SSX2IP: variants seen among roughly 807,000 people sequenced by gnomAD.
The protein encoded by SSX2IP is afadin- and alpha-actinin-binding protein.
Under a neutral mutation model 84.9 loss-of-function variants are expected in SSX2IP, and 55 were observed. The ratio of observed to expected loss-of-function variants is 0.65; its 90% confidence interval spans 0.52 to 0.81. The LOEUF is 0.81. Among genes scored for constraint, SSX2IP ranks in the 30% least tolerant of loss-of-function variants. The pLI is 0.00. For missense variants in SSX2IP, 664 were observed against 705.2 expected, an observed-to-expected ratio of 0.94 and a Z score of 0.66; for synonymous variants, 239 against 234.7, an observed-to-expected ratio of 1.02 and a Z score of -0.17.
At chr1:84,664,351 T>C (rs763523496) in intron 6 of SSX2IP, 66 bp downstream of exon 6, 29 of 1,377,670 alleles carry the variant, frequency 2.1e-5, no homozygotes, top group Non-Finnish European at 2.7e-5. Flanking sequence ...TCAATCCTTT[T>C]ACAATTATTT....
intron 1 of SSX2IP, among the ~76,000 whole-genome samples, chr1:84,686,142 C>A (rs1655751576): frequency 6.6e-6 from 1 of 152,162 alleles, no homozygotes; most frequent in Non-Finnish European, 1.5e-5. Context: ...CCAAGAACTA[C>A]ACATGAAGTA....
upstream of SSX2IP, chr1:84,690,484 C>G (rs1189136871): frequency 6.6e-6 from 1 of 152,092 alleles, no homozygotes; most frequent in Non-Finnish European, 1.5e-5. Context: ...CCCTCCTCCG[C>G]TGCGGGCTCC....
At chr1:84,662,947 T>C (rs1007676790) in intron 6 of SSX2IP, among the ~76,000 whole-genome samples, 1 of 152,172 alleles carries the variant, frequency 6.6e-6, no homozygotes, top group Non-Finnish European at 1.5e-5. Flanking sequence ...TAAATAAAGC[T>C]TTATGGGAAC....
chr1:84,682,079 A>T (rs1655155825), intron 1 of SSX2IP, among the ~76,000 whole-genome samples: 1 of 152,266 alleles, frequency 6.6e-6, no homozygotes, highest in Non-Finnish European at 1.5e-5. Flanking sequence ...GAAATTACTA[A>T]GAAGGTGCAT....
At chr1:84,677,857 G>C (rs1336890987) in intron 1 of SSX2IP, among the ~76,000 whole-genome samples, 2 of 152,138 alleles carry the variant, frequency 1.3e-5, no homozygotes, top group African/African-American at 4.8e-5. Flanking sequence ...CTGCAGCCCT[G>C]TCCAACACCT....
Position 84,647,359 on chromosome 1 carries a change from T to C in SSX2IP, c.*74A>G. On this transcript the variant is annotated 3_prime_UTR_variant, in exon 14 of 14. Coordinates refer to ENST00000342203, the MANE Select transcript of SSX2IP (RefSeq NM_001166293.2). The stretch of plus-strand genomic sequence containing the variant: ...TTAAGTTATTAGAGATAACTGACTT[T>C]ATGACACACCCTGTTTCAACTTAGA... 7.4e-7 allele frequency: 1 copy of C among 1,352,708 alleles called. No homozygotes were observed. The highest frequency in any genetic ancestry group is 1.7e-5 in the South Asian group (1 of 60,478). 83.8% of individuals were successfully genotyped at this position (1,352,708 alleles called of 1,614,324 possible). A position where few individuals can be genotyped will look rare whatever the true frequency, so the allele number is the denominator to read the frequency against.
intron 11 of SSX2IP, 133 bp from the exon 12 acceptor site, chr1:84,652,130 C>A: frequency 3.1e-6 from 2 of 639,548 alleles, no homozygotes; most frequent in Non-Finnish European, 5.5e-6. Flanking sequence ...AATGAGTTAA[C>A]CTAAAAAACT....
chr1:84,652,822 G>A (rs185686660), intron 11 of SSX2IP, among the ~76,000 whole-genome samples: 305 of 152,020 alleles, frequency 2.0e-3, no homozygotes, highest in African/African-American at 7.1e-3. Flanking sequence ...TCAGGAGATC[G>A]AGACCATCCT....
intron 5 of SSX2IP, 80 bp from the exon 6 acceptor site, chr1:84,664,632 A>G: frequency 7.9e-7 from 1 of 1,258,528 alleles, no homozygotes; most frequent in East Asian, 2.7e-5. Flanking sequence ...TCATCTCCCC[A>G]TATAGGTTTT....
intron 5 of SSX2IP, 125 bp downstream of exon 5, chr1:84,665,997 C>A: frequency 1.4e-6 from 1 of 710,328 alleles, no homozygotes; most frequent in Admixed American, 2.9e-5. Context: ...TCCACCATAT[C>A]AATTTGGGGA....
intron 8 of SSX2IP, among the ~76,000 whole-genome samples, chr1:84,658,798 G>A (rs74098426): frequency 0.027 from 4,080 of 152,272 alleles, 190 homozygotes; most frequent in African/African-American, 0.093. Context: ...TGGGAAAACC[G>A]AGGTTTAGAG....
rs1024777331 is a variant in SSX2IP, at chr1:84,671,191, G to A, written c.29C>T (p.Pro10Leu). The change falls in exon 2 of 14, where the codon CCA becomes CTA. Residue 10 changes from proline (P) to leucine (L), a missense_variant. Physicochemically the swap from Pro to Leu is moderately conservative, Grantham distance 98. Transcript: ENST00000342203. MGDWMTVTD[P>L]GLSSESKTIS... is the part of the protein sequence containing the mutation. ...GACTTAATTACCTGAAGACAGACCTGGATCTGTAACAGTCATCCAATCTCC... is the reference window on the plus strand; with the variant it reads ...GACTTAATTACCTGAAGACAGACCTAGATCTGTAACAGTCATCCAATCTCC... 1.9e-6 allele frequency: 3 copies of A among 1,611,156 alleles called. No homozygotes were observed. The highest frequency in any genetic ancestry group is 1.7e-5 in the Admixed American group (1 of 59,672).
chr1:84,646,865 C>T lies in SSX2IP; in HGVS notation c.*568G>A, dbSNP rs1365681203. ...AATACCACTAAAAAAATTTTACTGG[C>T]ATGAAATACTATACTTATGGTTGTG... On this transcript the variant is annotated 3_prime_UTR_variant, in exon 14 of 14. Transcript: ENST00000342203. 1 of 152,500 alleles carries T rather than the reference C, an allele frequency of 6.6e-6. No individual in the cohort carries two copies. The highest frequency in any genetic ancestry group is 1.5e-5 in the Non-Finnish European group (1 of 67,980). The allele number at this position is 152,500 out of a possible 1,614,324, so 9.4% of individuals were successfully genotyped here.
intron 9 of SSX2IP, 79 bp downstream of exon 9, chr1:84,658,239 T>C (rs1041266285): frequency 6.5e-7 from 1 of 1,539,272 alleles, no homozygotes; most frequent in Non-Finnish European, 8.9e-7. Context: ...GAGCCTATAA[T>C]GCGGCTTTCT....
Position 84,645,452 on chromosome 1 carries a change from ATCTT to A in SSX2IP, c.*1977_*1980del, listed in dbSNP as rs1164441913. 2.0e-5 allele frequency: 3 copies of A among 152,196 alleles called. No homozygotes were observed. The highest frequency in any genetic ancestry group is 1.5e-5 in the Non-Finnish European group (1 of 68,022). The allele number at this position is 152,196 out of a possible 1,614,324, so 9.4% of individuals were successfully genotyped here. ...AGATTTTAAAAGTACGTCTCAAGGA[ATCTT>A]TCTTTCCAATTTGAGAACTCAACTC... On this transcript the variant is annotated 3_prime_UTR_variant, in exon 14 of 14. Transcript: ENST00000342203.
chr1:84,682,789 T>C (rs950312975), intron 1 of SSX2IP, among the ~76,000 whole-genome samples: 1 of 152,142 alleles, frequency 6.6e-6, no homozygotes, highest in Non-Finnish European at 1.5e-5. Context: ...GTGTGAGCCA[T>C]CACGCACTGC....
intron 1 of SSX2IP, among the ~76,000 whole-genome samples, chr1:84,678,539 T>A (rs527507555): frequency 6.6e-6 from 1 of 152,192 alleles, no homozygotes. Flanking sequence ...ATTTTACATT[T>A]CTGTATCCCC....
intron 4 of SSX2IP, among the ~76,000 whole-genome samples, chr1:84,668,200 A>G (rs1463821228): frequency 6.6e-6 from 1 of 152,146 alleles, no homozygotes; most frequent in East Asian, 1.9e-4. Context: ...TCCTTGAAGT[A>G]AAGGCTCAAT....
chr1:84,661,094 G>A (rs1216961448), intron 8 of SSX2IP, among the ~76,000 whole-genome samples: 1 of 147,316 alleles, frequency 6.8e-6, no homozygotes, highest in Non-Finnish European at 1.5e-5. Flanking sequence ...AAAAAATTTA[G>A]GTAATTTTTT....
Sources: allele counts gnomAD v4.1 joint callset (sites outside exome capture counted in the v4.1 genomes callset), GRCh38; gene constraint gnomAD v4.1.1; transcripts MANE v1.5; gene names NCBI Gene and HGNC (gene_info 2026-07-23, HGNC 2026-07-21).